The following PPP1R16B variants were observed in gnomAD, a reference collection of about 807,000 sequenced individuals.
The protein encoded by PPP1R16B is protein phosphatase 1 regulatory subunit 16B.
A neutral mutation model predicts 61.7 loss-of-function variants in PPP1R16B; 14 were observed. The observed-to-expected ratio is 0.23, with a 90% CI of 0.15 to 0.35. PPP1R16B has a LOEUF of 0.35. Among genes scored for constraint, PPP1R16B ranks in the 10% least tolerant of loss-of-function variants. The probability of loss-of-function intolerance (pLI) is 1.00; values close to 1 mark genes in which losing one functional copy is unlikely to be tolerated. For synonymous variants in PPP1R16B, 266 were observed against 305.3 expected, an observed-to-expected ratio of 0.87 and a Z score of 1.34; for missense variants, 547 against 752.5, an observed-to-expected ratio of 0.73 and a Z score of 3.19.
chr20:38,913,894 T>A (rs148746009), intron 10 of PPP1R16B, among the ~76,000 whole-genome samples: 1 of 152,144 alleles, frequency 6.6e-6, no homozygotes, highest in Admixed American at 6.5e-5. Context: ...AACTAAAATT[T>A]GGTTAAATCA....
rs752412929 is a variant in PPP1R16B at position 38,918,233 on chromosome 20, T to C, written c.1271T>C (p.Val424Ala). The C allele has an allele frequency of 6.2e-7, 1 of 1,614,220 alleles. No individual in the cohort carries two copies. Among genetic ancestry groups the C allele is most frequent in the Non-Finnish European group, 8.5e-7 (1 of 1,180,038 alleles). The change falls in exon 11 of 11, where the codon GTT (valine) becomes GCT (alanine). Residue 424 changes from valine to alanine, a missense_variant. Physicochemically the swap from Val to Ala is moderately conservative, Grantham distance 64. Transcript: ENST00000299824. The surrounding 1 kb of genome is among the most constrained non-coding windows in gnomAD (Gnocchi z 5.3). ...CCACGAGGTGAACTGGACATGCCTG[T>C]TGAGAATGGCCTCCGGGCTCCGGTC... ...KIPRGELDMP[V>A]ENGLRAPVSA...
In PPP1R16B at chr20:38,918,384, A is replaced by G; in HGVS notation, c.1422A>G (p.Glu474=). ...CCCCGCCCTGGAGCAGCTACAAGGAACAGAGCCCTCAGACGCTTCTGGAGC... is the reference window on the plus strand; with the variant it reads ...CCCCGCCCTGGAGCAGCTACAAGGAGCAGAGCCCTCAGACGCTTCTGGAGC... The part of the protein sequence containing the change: ...DATPPWSSYK[E]QSPQTLLELK... Residue 474 remains glutamate (E), a synonymous_variant, in exon 11 of 11, where the codon GAA becomes GAG. Coordinates refer to ENST00000299824, the MANE Select transcript of PPP1R16B (RefSeq NM_015568.4). The surrounding 1 kb of genome is among the most constrained non-coding windows in gnomAD (Gnocchi z 5.3). The G allele has an allele frequency of 6.2e-7, 1 of 1,614,118 alleles. No individual in the cohort carries two copies. Among genetic ancestry groups the G allele is most frequent in the African/African-American group, 1.3e-5 (1 of 75,052 alleles).
chr20:38,895,765 A>T (rs1488013692), intron 4 of PPP1R16B, 55 bp downstream of exon 4: 5 of 1,215,330 alleles, frequency 4.1e-6, no homozygotes, highest in African/African-American at 2.2e-5. Context: ...GTCTTTTTCC[A>T]ACTTCCTTCT....
Position 38,920,069 on chromosome 20 carries a change from G to A in PPP1R16B, c.*1403G>A, listed in dbSNP as rs1369119803. 1.3e-5 allele frequency: 2 copies of A among 152,364 alleles called. No individual in the cohort carries two copies. The highest frequency in any genetic ancestry group is 4.8e-5 in the African/African-American group (2 of 41,452). 9.4% of individuals were successfully genotyped at this position (152,364 alleles called of 1,614,324 possible). A position where few individuals can be genotyped will look rare whatever the true frequency, so the allele number is the denominator to read the frequency against. ...GGTCAATATCCCCTCCTGCATTCAG[G>A]AGAGCCATGGTAGGGCTAGAGTTGG... On this transcript the variant is annotated 3_prime_UTR_variant, in exon 11 of 11. Transcript: ENST00000299824.
At chr20:38,873,974 C>T (rs143181159) in intron 2 of PPP1R16B, among the ~76,000 whole-genome samples, 381 of 152,236 alleles carry the variant, frequency 2.5e-3, no homozygotes, top group African/African-American at 8.8e-3. Context: ...GGTTATCTGC[C>T]CGCCTCGGCC....
At chr20:38,902,022 CA>C (rs774254432) in intron 5 of PPP1R16B, among the ~76,000 whole-genome samples, 2 of 150,520 alleles carry the variant, frequency 1.3e-5, no homozygotes, top group African/African-American at 2.5e-5. Context: ...TTCGATCGAA[CA>C]GTGCTTGGTC....
chr20:38,833,117 A>C (rs1271181847), intron 1 of PPP1R16B, among the ~76,000 whole-genome samples: 1 of 152,246 alleles, frequency 6.6e-6, no homozygotes, highest in Admixed American at 6.5e-5. Context: ...AATACTACCC[A>C]GCAACAAGAA....
chr20:38,861,164 CTG>C (rs2085047528), intron 2 of PPP1R16B, among the ~76,000 whole-genome samples: 1 of 152,228 alleles, frequency 6.6e-6, no homozygotes, highest in Non-Finnish European at 1.5e-5. Context: ...GACACACCTG[CTG>C]TGTGACCCTG....
intron 1 of PPP1R16B, among the ~76,000 whole-genome samples, chr20:38,832,028 G>T (rs2084840691): frequency 6.6e-6 from 1 of 152,196 alleles, no homozygotes; most frequent in South Asian, 2.1e-4. Flanking sequence ...CTCAGCTCGT[G>T]TCTGCTCCTT....
rs187650399 is a variant in PPP1R16B at position 38,823,044 on chromosome 20, A to G, written c.-101-12781A>G. On this transcript the variant is annotated intron_variant, in intron 1 of 10. Coordinates refer to ENST00000299824, the MANE Select transcript of PPP1R16B (RefSeq NM_015568.4). ...AGCGGAGGTATGCTTGGAGTTCTGT[A>G]TACCCAAGAGGAGGGAATCAAAGTG... Among the ~76,000 whole-genome samples, 146 of 152,314 alleles carry G rather than the reference A, an allele frequency of 9.6e-4. 1 individual carries two copies. The highest frequency in any genetic ancestry group is 4.0e-4 in the Non-Finnish European group (27 of 68,022).
At chr20:38,846,182 T>C (rs2084934654) in intron 2 of PPP1R16B, among the ~76,000 whole-genome samples, 1 of 152,148 alleles carries the variant, frequency 6.6e-6, no homozygotes, top group African/African-American at 2.4e-5. Flanking sequence ...CACATGGAGA[T>C]CTTGAAGAGG....
intron 2 of PPP1R16B, among the ~76,000 whole-genome samples, chr20:38,876,964 AT>A (rs1033182496): frequency 1.3e-5 from 2 of 152,020 alleles, no homozygotes; most frequent in South Asian, 2.1e-4. Context: ...TATGGAAAGC[AT>A]TTTTTTCCTT....
intron 2 of PPP1R16B, among the ~76,000 whole-genome samples, chr20:38,888,876 AACACACACACACAC>A (rs1181903301): frequency 1.1e-3 from 123 of 112,304 alleles, no homozygotes; most frequent in Middle Eastern, 5.3e-3. Context: ...AGAATCCCTG[AACACACACACACAC>A]ACACACACAC....
At chr20:38,863,460 T>A (rs1300766889) in intron 2 of PPP1R16B, among the ~76,000 whole-genome samples, 2 of 152,248 alleles carry the variant, frequency 1.3e-5, no homozygotes, top group African/African-American at 2.4e-5. Flanking sequence ...TTTCCACGTT[T>A]CCGTGTCTGT....
intron 2 of PPP1R16B, among the ~76,000 whole-genome samples, chr20:38,864,084 A>T (rs2085074197): frequency 6.6e-6 from 1 of 152,262 alleles, no homozygotes; most frequent in Non-Finnish European, 1.5e-5. Flanking sequence ...AAGAAGCCAG[A>T]CACAAAAGGC....
At chr20:38,888,363 C>T (rs973416787) in intron 2 of PPP1R16B, among the ~76,000 whole-genome samples, 3 of 152,202 alleles carry the variant, frequency 2.0e-5, no homozygotes, top group Non-Finnish European at 2.9e-5. Flanking sequence ...TATTCAAGTT[C>T]GTCCACTTGC....
chr20:38,864,509 T>C (rs1313138183), intron 2 of PPP1R16B, among the ~76,000 whole-genome samples: 2 of 152,138 alleles, frequency 1.3e-5, no homozygotes, highest in Non-Finnish European at 2.9e-5. Context: ...ATTTTTGCAG[T>C]TGTGGAAACA....
intron 1 of PPP1R16B, among the ~76,000 whole-genome samples, chr20:38,809,272 G>C (rs79494908): frequency 1.3e-5 from 2 of 152,086 alleles, no homozygotes; most frequent in Admixed American, 1.3e-4. Flanking sequence ...TCACTCCTGG[G>C]AACTTGAGTC....
At position 38,854,952 on chromosome 20, in the gene PPP1R16B, T is replaced by C. The variant is rs530799220; in HGVS notation, c.250+18777T>C. ...GGCGGCCTTCTATCAGTCAGTCACA[T>C]AAAAGTATTCTTATTGCAGTCATTT... On this transcript the variant is annotated intron_variant, in intron 2 of 10. Transcript: ENST00000299824. 5.8e-4 allele frequency among the ~76,000 whole-genome samples: 88 copies of C among 152,358 alleles called. 2 individuals are homozygous for C. In the South Asian group the frequency reaches 0.018, roughly 31 times the overall value.
Sources: gnomAD v4.1 joint callset for allele counts (sites outside exome capture counted in the v4.1 genomes callset) on GRCh38, gnomAD v4.1.1 for gene constraint, Gnocchi (gnomAD v3.1) non-coding constraint, MANE v1.5 for transcripts, NCBI Gene and HGNC (gene_info 2026-07-23, HGNC 2026-07-21) for gene names.